VPS45: variants seen among roughly 807,000 people sequenced by gnomAD.
The protein encoded by VPS45 is vacuolar protein sorting-associated protein 45.
In VPS45, 35 loss-of-function variants were observed where a neutral mutation model predicts 75.9. That is an observed-to-expected ratio of 0.46 (90% CI 0.35 to 0.61). The LOEUF (loss-of-function observed/expected upper bound fraction) is 0.61. Ranked by LOEUF, VPS45 falls within the 20% of genes least tolerant of loss-of-function variation. The pLI is 0.00. For synonymous variants in VPS45, 220 were observed against 238.2 expected (o/e 0.92, Z 0.70); for missense variants, 559 against 685.9 (o/e 0.81, Z 2.07).
At chr1:150,075,179 C>G (rs1455004733) in intron 3 of VPS45, among the ~76,000 whole-genome samples, 2 of 131,286 alleles carry the variant, frequency 1.5e-5, no homozygotes, top group Non-Finnish European at 3.2e-5. Context: ...AAATCAGGAT[C>G]AAAGTAAGGT....
At chr1:150,082,659 T>C in intron 9 of VPS45, 57 bp from the exon 10 acceptor site, 1 of 1,581,612 alleles carries the variant, frequency 6.3e-7, no homozygotes, top group South Asian at 1.2e-5. Context: ...ATTCAGTACA[T>C]GCTTATCCTC....
chr1:150,080,318 A>G (rs1553799038), intron 7 of VPS45, among the ~76,000 whole-genome samples: 1 of 151,756 alleles, frequency 6.6e-6, no homozygotes, highest in East Asian at 1.9e-4. Context: ...CTAGTTTTGT[A>G]TTTTTAGTAG....
chr1:150,133,412 G>A (rs974170857), intron 14 of VPS45, among the ~76,000 whole-genome samples: 6 of 152,062 alleles, frequency 3.9e-5, no homozygotes, highest in Non-Finnish European at 8.8e-5. Flanking sequence ...AAATTAGCCG[G>A]GCGTGGTGGT....
At position 150,092,090 on chromosome 1, in the gene VPS45, C is replaced by T. The variant is rs1553802031; in HGVS notation, c.1258C>T (p.Arg420Ter). ...LRNKGVSEKY[R>*]KLVSAVVEYG... ...GAATAAAGGTGTTTCTGAGAAGTATCGAAAGGTAACCAGTTTCCATATTAG... is the reference window on the plus strand; with the variant it reads ...GAATAAAGGTGTTTCTGAGAAGTATTGAAAGGTAACCAGTTTCCATATTAG... Residue 420 changes from arginine (R) to a stop codon, truncating the protein, a stop_gained, in exon 11 of 15, where the codon CGA (arginine) becomes TGA (stop). Coordinates refer to ENST00000644510, the MANE Select transcript of VPS45 (RefSeq NM_007259.5). LOFTEE classifies it high-confidence loss of function. 6 of 1,612,658 alleles carry T rather than the reference C, an allele frequency of 3.7e-6. No homozygotes were observed. Among genetic ancestry groups the T allele is most frequent in the African/African-American group, 2.7e-5 (2 of 74,840 alleles).
chr1:150,114,171 AT>A (rs1657796017), intron 14 of VPS45, among the ~76,000 whole-genome samples: 1 of 151,644 alleles, frequency 6.6e-6, no homozygotes, highest in African/African-American at 2.4e-5. Context: ...CTTCAATCCA[AT>A]TTTCTTCTAA....
At chr1:150,102,097 G>T (rs1366193262) in intron 13 of VPS45, among the ~76,000 whole-genome samples, 2 of 151,180 alleles carry the variant, frequency 1.3e-5, no homozygotes, top group African/African-American at 2.4e-5. Context: ...AATTAGCCAG[G>T]CATGGTGGCA....
intron 7 of VPS45, among the ~76,000 whole-genome samples, chr1:150,078,419 G>T (rs1330482304): frequency 6.6e-6 from 1 of 152,130 alleles, no homozygotes; most frequent in Non-Finnish European, 1.5e-5. Flanking sequence ...AGAATGTTTG[G>T]AATACCTTCT....
chr1:150,098,156 A>C (rs1656779146), intron 13 of VPS45, among the ~76,000 whole-genome samples: 1 of 152,182 alleles, frequency 6.6e-6, no homozygotes, highest in Non-Finnish European at 1.5e-5. Flanking sequence ...GCCTACAGTA[A>C]TTATTTCTGA....
intron 14 of VPS45, among the ~76,000 whole-genome samples, chr1:150,116,158 G>C (rs1553808264): frequency 1.3e-5 from 2 of 152,164 alleles, no homozygotes; most frequent in Non-Finnish European, 2.9e-5. Context: ...TAAAATGGTA[G>C]TGACATTATA....
chr1:150,123,420 G>A (rs1278775684), intron 14 of VPS45, among the ~76,000 whole-genome samples: 1 of 152,150 alleles, frequency 6.6e-6, no homozygotes, highest in Non-Finnish European at 1.5e-5. Flanking sequence ...AAAGCAATGT[G>A]AATTAAGAAA....
At position 150,082,876 on chromosome 1, in the gene VPS45, C is replaced by T. The variant is rs782085785; in HGVS notation, c.1097C>T (p.Ala366Val). 1 of 1,613,400 alleles carries T rather than the reference C, an allele frequency of 6.2e-7. No individual in the cohort carries two copies. Among genetic ancestry groups the T allele is most frequent in the South Asian group, 1.1e-5 (1 of 90,970 alleles). Residue 366 changes from alanine to valine, a missense_variant, in exon 10 of 15, where the codon GCT (alanine) becomes GTT (valine). By Grantham distance (64) the Ala-to-Val change is moderately conservative. Transcript: ENST00000644510. Reference protein sequence around the residue: ...ELACQNDHSSALQNIKRLLQN... With the variant: ...ELACQNDHSSVLQNIKRLLQN... ...GCCTGTCAAAATGACCATTCTAGTG[C>T]TCTCCAGGTCAGTCCAATTTGATGA... is the stretch of plus-strand genomic sequence containing the variant.
rs71743388 is a variant in VPS45, at chr1:150,097,090, C to CTTT, written c.1493+3455_1493+3457dup. On this transcript the variant is annotated intron_variant, in intron 13 of 14. Coordinates refer to ENST00000644510, the MANE Select transcript of VPS45 (RefSeq NM_007259.5). ...AAGCAGGATGTTGTAACATTTCTTT[C>CTTT]TTTTTTTTTTTTTTTGAGACAGAGT... Among the ~76,000 whole-genome samples the CTTT allele has an allele frequency of 1.4e-4, 20 of 138,390 alleles. 5 individuals are homozygous for CTTT. The highest frequency in any genetic ancestry group is 2.1e-4 in the East Asian group (1 of 4,842). The allele number at this position is 138,390 out of a possible 152,430, so 90.8% of individuals were successfully genotyped here.
At chr1:150,118,692 C>T (rs1553808979) in intron 14 of VPS45, among the ~76,000 whole-genome samples, 1 of 152,158 alleles carries the variant, frequency 6.6e-6, no homozygotes, top group Non-Finnish European at 1.5e-5. Context: ...AAGAGTGAGC[C>T]ACCGCACCCG....
intron 14 of VPS45, among the ~76,000 whole-genome samples, chr1:150,114,864 A>G (rs371202207): frequency 1.4e-4 from 21 of 150,834 alleles, no homozygotes; most frequent in African/African-American, 4.9e-4. Flanking sequence ...AGCCGTGATC[A>G]TGTCACCACC....
chr1:150,139,292 T>C (rs1553814642), intron 14 of VPS45, among the ~76,000 whole-genome samples: 1 of 152,116 alleles, frequency 6.6e-6, no homozygotes, highest in Non-Finnish European at 1.5e-5. Flanking sequence ...CAATCTCACC[T>C]CTTACTATCC....
intron 7 of VPS45, 146 bp from the exon 8 acceptor site, chr1:150,081,196 C>A: frequency 1.3e-6 from 1 of 781,914 alleles, no homozygotes; most frequent in Non-Finnish European, 1.9e-6. Context: ...ATGCTTATAG[C>A]ACAAAGTATG....
chr1:150,099,987 C>T (rs1296834356), intron 13 of VPS45, among the ~76,000 whole-genome samples: 1 of 152,148 alleles, frequency 6.6e-6, no homozygotes, highest in Non-Finnish European at 1.5e-5. Flanking sequence ...GAAGTCTTAG[C>T]CAGAGCAATC....
chr1:150,139,522 TC>T (rs1418365158), intron 14 of VPS45, among the ~76,000 whole-genome samples: 1 of 151,948 alleles, frequency 6.6e-6, no homozygotes, highest in Non-Finnish European at 1.5e-5. Flanking sequence ...TTATTCCTCT[TC>T]AAGAAAAGCT....
chr1:150,071,849 G>C (rs1655092578), intron 2 of VPS45, among the ~76,000 whole-genome samples: 1 of 151,246 alleles, frequency 6.6e-6, no homozygotes, highest in African/African-American at 2.4e-5. Flanking sequence ...AGCTTGATGT[G>C]AGTTTGCAGA....
Sources: allele counts gnomAD v4.1 joint callset (sites outside exome capture counted in the v4.1 genomes callset), GRCh38; gene constraint gnomAD v4.1.1; transcripts MANE v1.5; gene names NCBI Gene and HGNC (gene_info 2026-07-23, HGNC 2026-07-21).